The following SPATA31H1 variants were observed in gnomAD, a reference collection of about 807,000 sequenced individuals.
SPATA31H1 encodes SPATA31 subfamily H member 1.
At chr2:27,552,588 G>A in the SPATA31H1 span, among the ~76,000 whole-genome samples, 20 of 151,946 alleles carry the variant, frequency 1.3e-4, no homozygotes, top group South Asian at 8.3e-4. Context: ...AATTCCATAT[G>A]AATTTTAGGA....
the SPATA31H1 span, among the ~76,000 whole-genome samples, chr2:27,538,147 C>G: frequency 2.0e-5 from 3 of 152,170 alleles, no homozygotes; most frequent in South Asian, 6.2e-4. Context: ...AGAGGTCACA[C>G]TGTAGAGCTT....
chr2:27,546,167 G>A, the SPATA31H1 span, among the ~76,000 whole-genome samples: 3 of 151,928 alleles, frequency 2.0e-5, no homozygotes, highest in Admixed American at 2.0e-4. Flanking sequence ...GTGTCTTAAT[G>A]ACCAAAAGTT....
chr2:27,574,498 T>A, the SPATA31H1 span: 2 of 398,384 alleles, frequency 5.0e-6, no homozygotes, highest in South Asian at 2.5e-4. Flanking sequence ...GGTATAAAGC[T>A]TCAAGATGTA....
the SPATA31H1 span, among the ~76,000 whole-genome samples, chr2:27,561,602 C>T: frequency 2.6e-5 from 4 of 152,166 alleles, no homozygotes; most frequent in Non-Finnish European, 4.4e-5. Flanking sequence ...TCCAGTCTTA[C>T]ATTTCACATT....
the SPATA31H1 span, chr2:27,571,190 G>A: frequency 1.0e-5 from 4 of 398,304 alleles, no homozygotes; most frequent in African/African-American, 2.1e-5. Context: ...AATCTATGAC[G>A]TTAACCCCAG....
chr2:27,568,809 G>C, the SPATA31H1 span: 1 of 398,844 alleles, frequency 2.5e-6, no homozygotes, highest in South Asian at 1.3e-4. Context: ...ACAGGTGCAA[G>C]GTATGAAATA....
chr2:27,564,949 T>C, the SPATA31H1 span, among the ~76,000 whole-genome samples: 1 of 152,088 alleles, frequency 6.6e-6, no homozygotes, highest in Non-Finnish European at 1.5e-5. Flanking sequence ...CTGGCTTCCA[T>C]CTACCTTGTC....
the SPATA31H1 span, chr2:27,579,888 G>T: frequency 2.8e-5 from 46 of 1,614,056 alleles, no homozygotes; most frequent in South Asian, 4.4e-4. Flanking sequence ...ACCCCCCGAT[G>T]TGCCTCCACC....
At chr2:27,566,696 A>G in the SPATA31H1 span, 3 of 571,076 alleles carry the variant, frequency 5.3e-6, no homozygotes, top group East Asian at 8.7e-5. Flanking sequence ...TCGTTTTCCT[A>G]TTTCAATGCA....
the SPATA31H1 span, chr2:27,577,658 G>A: frequency 6.2e-7 from 1 of 1,614,062 alleles, no homozygotes; most frequent in Admixed American, 1.7e-5. This position sits in a 1 kb window ranked among gnomAD's most constrained non-coding sequence, Gnocchi z 4.5. Context: ...CTGAATCTGT[G>A]GAGTTGACTT....
the SPATA31H1 span, among the ~76,000 whole-genome samples, chr2:27,564,240 T>C: frequency 4.5e-3 from 680 of 152,296 alleles, 8 homozygotes; most frequent in Middle Eastern, 0.014. Context: ...CAAATTTTCT[T>C]GTGGTGGGCA....
the SPATA31H1 span, among the ~76,000 whole-genome samples, chr2:27,542,016 A>G: frequency 6.6e-6 from 1 of 151,962 alleles, no homozygotes; most frequent in Non-Finnish European, 1.5e-5. Flanking sequence ...CAAGCAATCC[A>G]CACACCTCAG....
the SPATA31H1 span, chr2:27,578,303 G>T: frequency 1.2e-6 from 2 of 1,614,020 alleles, no homozygotes; most frequent in Non-Finnish European, 1.7e-6. Flanking sequence ...ACCAGATTTT[G>T]GAAACAGTGG....
At chr2:27,562,033 A>G in the SPATA31H1 span, among the ~76,000 whole-genome samples, 1 of 152,084 alleles carries the variant, frequency 6.6e-6, no homozygotes, top group Admixed American at 6.5e-5. Flanking sequence ...TCATTTTCCC[A>G]TTGATTTATG....
chr2:27,556,437 C>G, the SPATA31H1 span, among the ~76,000 whole-genome samples: 1 of 151,464 alleles, frequency 6.6e-6, no homozygotes, highest in Non-Finnish European at 1.5e-5. Flanking sequence ...TCCTGTCTCC[C>G]CTTTCCTTCT....
chr2:27,569,327 C>T, the SPATA31H1 span: 3 of 398,770 alleles, frequency 7.5e-6, no homozygotes, highest in South Asian at 3.8e-4. Context: ...CAGAGATACC[C>T]CCCATGTCAG....
At chr2:27,553,621 C>T in the SPATA31H1 span, among the ~76,000 whole-genome samples, 1 of 152,076 alleles carries the variant, frequency 6.6e-6, no homozygotes, top group African/African-American at 2.4e-5. Flanking sequence ...CAAAACTTTA[C>T]TTAGAAATCT....
chr2:27,540,564 C>G, the SPATA31H1 span, among the ~76,000 whole-genome samples: 2 of 141,626 alleles, frequency 1.4e-5, no homozygotes, highest in Admixed American at 6.8e-5. Flanking sequence ...GGGTGGCTGC[C>G]GGGCGGAGAC....
chr2:27,559,965 T>G, the SPATA31H1 span, among the ~76,000 whole-genome samples: 1 of 152,188 alleles, frequency 6.6e-6, no homozygotes, highest in Middle Eastern at 3.4e-3. Flanking sequence ...CCTCCCGAGT[T>G]CAAGCAATTC....
Sources: gnomAD v4.1 joint callset for allele counts (sites outside exome capture counted in the v4.1 genomes callset) on GRCh38, gnomAD v4.1.1 for gene constraint, Gnocchi (gnomAD v3.1) non-coding constraint, MANE v1.5 for transcripts, NCBI Gene and HGNC (gene_info 2026-07-23, HGNC 2026-07-21) for gene names.